SDK1: variants seen among roughly 807,000 people sequenced by gnomAD.
The protein encoded by SDK1 is sidekick cell adhesion molecule 1.
In SDK1, 157 loss-of-function variants were observed where a neutral mutation model predicts 245.5. That is an observed-to-expected ratio of 0.64 (90% confidence interval 0.56 to 0.73). The LOEUF (loss-of-function observed/expected upper bound fraction) is 0.73. SDK1 is among the 30% of genes least tolerant of loss of function. The pLI is 0.00. For missense variants in SDK1, 3,583 were observed against 3,002.3 expected (o/e 1.19, Z -4.52); for synonymous variants, 1,647 against 1,278.5 (o/e 1.29, Z -6.15).
At chr7:3,855,722 A>G (rs1322382008) in intron 5 of SDK1, among the ~76,000 whole-genome samples, 2 of 152,190 alleles carry the variant, frequency 1.3e-5, no homozygotes, top group Non-Finnish European at 2.9e-5. Flanking sequence ...ATTAGGTGCC[A>G]ATAAAAGAGA....
At chr7:3,377,394 G>A (rs989795001) in intron 1 of SDK1, among the ~76,000 whole-genome samples, 6 of 152,134 alleles carry the variant, frequency 3.9e-5, no homozygotes, top group East Asian at 1.9e-4. Context: ...TGCCCCCTGC[G>A]CTAAATGGAG....
chr7:3,753,171 GAGATTGTCATA>G (rs1341459783), intron 4 of SDK1, among the ~76,000 whole-genome samples: 1 of 152,140 alleles, frequency 6.6e-6, no homozygotes, highest in Non-Finnish European at 1.5e-5. Context: ...AGCTAGTTAT[GAGATTGTCATA>G]TTTAAATTTC....
Position 4,203,127 on chromosome 7 carries a change from C to G in SDK1, c.5099-2752C>G, listed in dbSNP as rs936441709. Reference sequence around the variant, plus strand: ...TCCAGCCCACCCCTTCCCGCAGAGGCAGGAGGCCACGCCATAACCCGGCTC... The same window carrying G: ...TCCAGCCCACCCCTTCCCGCAGAGGGAGGAGGCCACGCCATAACCCGGCTC... On this transcript the variant is annotated intron_variant, in intron 35 of 44. Transcript: ENST00000404826. Among the ~76,000 whole-genome samples the G allele has an allele frequency of 2.0e-5, 3 of 152,240 alleles. No homozygotes were observed. In the South Asian group the frequency reaches 6.2e-4, roughly 32 times the overall value.
chr7:3,486,708 A>G (rs1325261758), intron 1 of SDK1, among the ~76,000 whole-genome samples: 1 of 152,144 alleles, frequency 6.6e-6, no homozygotes, highest in Non-Finnish European at 1.5e-5. Context: ...ATGTAGAGAT[A>G]GTAGATTTTT....
chr7:3,309,524 A>ATTTTTTTTTTT (rs59762021), intron 1 of SDK1, among the ~76,000 whole-genome samples: 26 of 127,344 alleles, frequency 2.0e-4, no homozygotes, highest in Non-Finnish European at 3.7e-4. Flanking sequence ...CTAGAAAAAG[A>ATTTTTTTTTTT]TTTTTTTTTT....
chr7:3,452,239 C>G (rs528569628), intron 1 of SDK1, among the ~76,000 whole-genome samples: 199 of 152,214 alleles, frequency 1.3e-3, no homozygotes, highest in African/African-American at 4.6e-3. Flanking sequence ...TGGTTATTTT[C>G]TCAAGGACTC....
At chr7:4,117,918 T>G (rs1182536848) in intron 25 of SDK1, among the ~76,000 whole-genome samples, 1 of 152,184 alleles carries the variant, frequency 6.6e-6, no homozygotes, top group Non-Finnish European at 1.5e-5. Context: ...TATGTCTACC[T>G]GGACTCTGAG....
At chr7:3,450,692 T>C (rs1780487803) in intron 1 of SDK1, among the ~76,000 whole-genome samples, 1 of 152,186 alleles carries the variant, frequency 6.6e-6, no homozygotes, top group Non-Finnish European at 1.5e-5. Flanking sequence ...GTTGGCTGAA[T>C]AGATCTGACC....
At chr7:3,624,384 A>T (rs1306851156) in intron 2 of SDK1, among the ~76,000 whole-genome samples, 1 of 152,130 alleles carries the variant, frequency 6.6e-6, no homozygotes. Context: ...TTTTTTGTGC[A>T]GATGGGGTTG....
chr7:3,653,032 G>T (rs1182785580), intron 4 of SDK1, among the ~76,000 whole-genome samples: 3 of 152,196 alleles, frequency 2.0e-5, no homozygotes, highest in African/African-American at 4.8e-5. Context: ...ATTCCATTCA[G>T]TGCCAAACAG....
intron 1 of SDK1, among the ~76,000 whole-genome samples, chr7:3,479,501 T>G (rs1379036954): frequency 1.3e-5 from 2 of 151,860 alleles, no homozygotes; most frequent in Non-Finnish European, 2.9e-5. Flanking sequence ...GTTAATCATA[T>G]TGTCTAAATT....
intron 1 of SDK1, among the ~76,000 whole-genome samples, chr7:3,523,435 A>G (rs1051663241): frequency 2.0e-5 from 3 of 152,150 alleles, no homozygotes; most frequent in Non-Finnish European, 4.4e-5. Flanking sequence ...AACATTATTA[A>G]CACAGGGTAA....
At chr7:3,379,001 T>C (rs767907145) in intron 1 of SDK1, among the ~76,000 whole-genome samples, 4 of 152,118 alleles carry the variant, frequency 2.6e-5, no homozygotes, top group Admixed American at 6.5e-5. Flanking sequence ...AGCTTCTCGT[T>C]AATTACTTGG....
intron 2 of SDK1, among the ~76,000 whole-genome samples, chr7:3,623,350 C>G (rs752997685): frequency 2.0e-5 from 3 of 149,676 alleles, no homozygotes; most frequent in African/African-American, 7.4e-5. Flanking sequence ...TGGTCTCAAG[C>G]GATTGTCAGC....
At position 4,221,028 on chromosome 7, in the gene SDK1, C is replaced by A. The variant is rs111744114; in HGVS notation, c.5702-211C>A. Among the ~76,000 whole-genome samples the A allele has an allele frequency of 4.5e-4, 68 of 152,280 alleles. 2 individuals are homozygous for A. Among genetic ancestry groups the A allele is most frequent in the African/African-American group, 1.5e-3 (63 of 41,576 alleles). ...GGCTCAAGCGATCCACCTATCTCAG[C>A]CTCCCAAAGTGGCTTTCAGGCGTGA... On this transcript the variant is annotated intron_variant, in intron 39 of 44. Coordinates refer to ENST00000404826, the MANE Select transcript of SDK1 (RefSeq NM_152744.4).
intron 1 of SDK1, among the ~76,000 whole-genome samples, chr7:3,545,485 C>T (rs1275723824): frequency 6.6e-6 from 1 of 152,214 alleles, no homozygotes; most frequent in African/African-American, 2.4e-5. Context: ...TACTCCTCAT[C>T]CTTCAAGACT....
rs183505825 is a variant in SDK1, at chr7:3,311,071, G to C, written c.298+9187G>C. Among the ~76,000 whole-genome samples the C allele has an allele frequency of 9.8e-4, 149 of 152,210 alleles. 1 individual carries two copies. Among genetic ancestry groups the C allele is most frequent in the African/African-American group, 3.5e-3 (147 of 41,516 alleles). ...TTTTCTTTTCCTGTAATATTAGGGAGTGATGAGTCACGGTAGTAGAGTGGG... is the reference window on the plus strand; with the variant it reads ...TTTTCTTTTCCTGTAATATTAGGGACTGATGAGTCACGGTAGTAGAGTGGG... On this transcript the variant is annotated intron_variant, in intron 1 of 44. Coordinates refer to ENST00000404826, the MANE Select transcript of SDK1 (RefSeq NM_152744.4).
intron 1 of SDK1, among the ~76,000 whole-genome samples, chr7:3,587,199 G>A (rs1456507023): frequency 1.3e-5 from 2 of 152,170 alleles, no homozygotes; most frequent in South Asian, 2.1e-4. Context: ...GTCAATTTGA[G>A]GCCAAAGACA....
intron 4 of SDK1, among the ~76,000 whole-genome samples, chr7:3,779,459 TA>T (rs200775395): frequency 6.2e-4 from 90 of 145,348 alleles, no homozygotes; most frequent in African/African-American, 8.0e-4. Context: ...CTATTTTTTT[TA>T]AAAAAAAAAA....
Sources: gnomAD v4.1 joint callset for allele counts (sites outside exome capture counted in the v4.1 genomes callset) on GRCh38, gnomAD v4.1.1 for gene constraint, MANE v1.5 for transcripts, NCBI Gene and HGNC (gene_info 2026-07-23, HGNC 2026-07-21) for gene names.